IPO11: variants seen among roughly 807,000 people sequenced by gnomAD.
The protein encoded by IPO11 is importin 11, also known as importin-11.
Under a neutral mutation model 143.2 loss-of-function variants are expected in IPO11, and 66 were observed. That is an observed-to-expected ratio of 0.46 (90% confidence interval 0.38 to 0.57). The LOEUF (loss-of-function observed/expected upper bound fraction) is 0.57. Ranked by LOEUF, IPO11 falls within the 20% of genes least tolerant of loss-of-function variation. The pLI is 0.00. For synonymous variants in IPO11, 385 were observed against 377.8 expected, an observed-to-expected ratio of 1.02 and a Z score of -0.22; for missense variants, 1,026 against 1,141.0, an observed-to-expected ratio of 0.90 and a Z score of 1.45.
intron 16 of IPO11, among the ~76,000 whole-genome samples, chr5:62,504,313 C>T (rs1051372534): frequency 1.3e-5 from 2 of 152,162 alleles, no homozygotes; most frequent in African/African-American, 4.8e-5. Flanking sequence ...CTTACACATC[C>T]TCCAATTTGT....
chr5:62,560,891 C>T (rs1335650416), intron 26 of IPO11: 1 of 283,802 alleles, frequency 3.5e-6, no homozygotes, highest in Non-Finnish European at 6.6e-6. Flanking sequence ...TAAAATCACT[C>T]ATGGGCTACA....
intron 28 of IPO11, among the ~76,000 whole-genome samples, chr5:62,593,736 G>A (rs1032241450): frequency 1.3e-5 from 2 of 152,134 alleles, no homozygotes; most frequent in African/African-American, 4.8e-5. Flanking sequence ...CCCCAGAATT[G>A]TTTGGTGATT....
chr5:62,450,031 T>C (rs771810236), intron 4 of IPO11, 32 bp downstream of exon 4: 2 of 1,400,002 alleles, frequency 1.4e-6, no homozygotes, highest in Admixed American at 2.1e-5. Context: ...ATTTTTCTTT[T>C]TATTTGTACT....
chr5:62,551,940 C>T (rs1743401668), intron 26 of IPO11, among the ~76,000 whole-genome samples: 1 of 151,880 alleles, frequency 6.6e-6, no homozygotes, highest in Admixed American at 6.6e-5. Context: ...CTGGCTAACA[C>T]AGTGAAACCC....
intron 27 of IPO11, chr5:62,581,461 ATTCAT>A (rs1245529102): frequency 1.5e-6 from 1 of 646,056 alleles, no homozygotes; most frequent in African/African-American, 1.9e-5. Flanking sequence ...TGAACAGTGT[ATTCAT>A]TTAGCAAATA....
intron 20 of IPO11, among the ~76,000 whole-genome samples, chr5:62,518,118 C>G (rs903910428): frequency 2.0e-4 from 28 of 141,446 alleles, no homozygotes; most frequent in African/African-American, 7.1e-4. Flanking sequence ...GCCTGGCCAA[C>G]ATGGTGAAAC....
intron 5 of IPO11, among the ~76,000 whole-genome samples, chr5:62,460,597 C>G (rs1055460017): frequency 2.4e-4 from 36 of 152,144 alleles, no homozygotes; most frequent in African/African-American, 8.7e-4. Context: ...TGCTAAAATA[C>G]TTAGTGTGTA....
intron 18 of IPO11, among the ~76,000 whole-genome samples, chr5:62,505,735 T>G (rs753799424): frequency 4.6e-5 from 7 of 152,132 alleles, no homozygotes; most frequent in South Asian, 2.1e-4. Flanking sequence ...TATTCTGCCA[T>G]TTTTAGAATA....
At chr5:62,464,739 C>G (rs1404475601) in intron 5 of IPO11, among the ~76,000 whole-genome samples, 1 of 152,184 alleles carries the variant, frequency 6.6e-6, no homozygotes, top group African/African-American at 2.4e-5. Flanking sequence ...TCCCAAAGCA[C>G]TGACATTACA....
chr5:62,553,186 A>G (rs1039721817), intron 26 of IPO11, among the ~76,000 whole-genome samples: 4 of 152,118 alleles, frequency 2.6e-5, no homozygotes, highest in Non-Finnish European at 2.9e-5. Flanking sequence ...TTTAGCTTCT[A>G]CATGTAAGTG....
chr5:62,441,817 G>A (rs760306097), intron 2 of IPO11, among the ~76,000 whole-genome samples: 3 of 147,942 alleles, frequency 2.0e-5, no homozygotes, highest in African/African-American at 7.5e-5. Flanking sequence ...ATGCCCGGCC[G>A]CTTTATATCT....
intron 16 of IPO11, among the ~76,000 whole-genome samples, chr5:62,494,709 G>A (rs541737237): frequency 1.0e-3 from 158 of 152,186 alleles, no homozygotes; most frequent in African/African-American, 3.6e-3. Context: ...ATTTTAAGAA[G>A]TTTAAATTGT....
At chr5:62,426,931 G>GTTTTTTTTTTT (rs763031944) in intron 1 of IPO11, among the ~76,000 whole-genome samples, 15 of 90,258 alleles carry the variant, frequency 1.7e-4, no homozygotes, top group Non-Finnish European at 1.9e-4. Flanking sequence ...TTTTCTTTCT[G>GTTTTTTTTTTT]TTTTTTTTTT....
chr5:62,624,377 T>G (rs1032373238), intron 29 of IPO11, among the ~76,000 whole-genome samples: 1 of 152,168 alleles, frequency 6.6e-6, no homozygotes, highest in East Asian at 1.9e-4. Context: ...TTCTGGATGT[T>G]ACCCTATACG....
chr5:62,557,123 G>A (rs533084055), intron 26 of IPO11, among the ~76,000 whole-genome samples: 1 of 152,166 alleles, frequency 6.6e-6, no homozygotes, highest in Non-Finnish European at 1.5e-5. Flanking sequence ...GCCCCTCAAT[G>A]TGTTATCTAA....
intron 22 of IPO11, among the ~76,000 whole-genome samples, chr5:62,533,215 C>CTT (rs67146609): frequency 4.4e-5 from 1 of 22,912 alleles, no homozygotes; most frequent in Admixed American, 4.2e-4. Context: ...TTTCTTTCTT[C>CTT]TTTTTTTTTT....
chr5:62,533,815 C>T (rs62375047), intron 22 of IPO11, among the ~76,000 whole-genome samples: 7 of 151,930 alleles, frequency 4.6e-5, no homozygotes, highest in East Asian at 1.9e-4. Context: ...AAAAGTTAGC[C>T]GGCCTTGGTG....
chr5:62,505,684 G>GAGTT (rs1741530893), intron 18 of IPO11, among the ~76,000 whole-genome samples: 1 of 152,000 alleles, frequency 6.6e-6, no homozygotes, highest in South Asian at 2.1e-4. Flanking sequence ...AGAGTTCACA[G>GAGTT]CCAGACATAG....
chr5:62,598,820 C>T (rs937752574), intron 28 of IPO11, among the ~76,000 whole-genome samples: 1 of 151,850 alleles, frequency 6.6e-6, no homozygotes, highest in African/African-American at 2.4e-5. Context: ...GCTGGGATTA[C>T]AGGTGTGACC....
Sources: gnomAD v4.1 joint callset for allele counts (sites outside exome capture counted in the v4.1 genomes callset) on GRCh38, gnomAD v4.1.1 for gene constraint, MANE v1.5 for transcripts, NCBI Gene and HGNC (gene_info 2026-07-23, HGNC 2026-07-21) for gene names.